Variants in CNTN4 observed in about 807,000 individuals in gnomAD.
CNTN4 encodes contactin-4.
In CNTN4, 77 loss-of-function variants were observed where a neutral mutation model predicts 122.5. The ratio of observed to expected loss-of-function variants is 0.63; its 90% CI spans 0.52 to 0.76. The LOEUF (loss-of-function observed/expected upper bound fraction) is 0.76, where lower values mean the gene tolerates loss of function less well. Ranked by LOEUF, CNTN4 falls within the 30% of genes least tolerant of loss-of-function variation. The pLI is 0.00. For synonymous variants in CNTN4, 512 were observed against 447.0 expected (o/e 1.15, Z -1.83); for missense variants, 1,256 against 1,259.1 (o/e 1.00, Z 0.04).
At chr3:3,046,605 C>T (rs1436084666) in intron 23 of CNTN4, among the ~76,000 whole-genome samples, 4 of 152,156 alleles carry the variant, frequency 2.6e-5, no homozygotes, top group South Asian at 4.2e-4. Context: ...ACCAGGCCTG[C>T]CCTAAAAGTG....
chr3:2,687,709 ATCAT>A (rs1015776172), intron 4 of CNTN4, among the ~76,000 whole-genome samples: 21 of 152,306 alleles, frequency 1.4e-4, no homozygotes, highest in African/African-American at 5.1e-4. Flanking sequence ...TCTCCTGCTG[ATCAT>A]TCAGTCAATT....
chr3:2,155,646 A>G (rs1370814217), intron 2 of CNTN4, among the ~76,000 whole-genome samples: 1 of 152,198 alleles, frequency 6.6e-6, no homozygotes, highest in Non-Finnish European at 1.5e-5. Context: ...CTTGGTGACC[A>G]TGCTATCCAA....
chr3:2,598,563 A>G (rs80332782), intron 4 of CNTN4, among the ~76,000 whole-genome samples: 1 of 152,288 alleles, frequency 6.6e-6, no homozygotes, highest in East Asian at 1.9e-4. Flanking sequence ...TATTTTTAAT[A>G]TGGTACTTGA....
At chr3:2,120,366 T>A (rs1396879385) in intron 2 of CNTN4, among the ~76,000 whole-genome samples, 1 of 48,758 alleles carries the variant, frequency 2.1e-5, no homozygotes, top group Non-Finnish European at 4.6e-5. Flanking sequence ...TATATATATA[T>A]ATATATAAAT....
At chr3:3,024,384 TAAAAAAAAAAA>T (rs55892513) in intron 14 of CNTN4, among the ~76,000 whole-genome samples, 2 of 90,262 alleles carry the variant, frequency 2.2e-5, no homozygotes, top group Admixed American at 1.3e-4. Flanking sequence ...TTTTCCTCAT[TAAAAAAAAAAA>T]AAAAAAAAAA....
At chr3:2,604,752 A>ACATCGTG (rs2081189164) in intron 4 of CNTN4, among the ~76,000 whole-genome samples, 3 of 152,138 alleles carry the variant, frequency 2.0e-5, no homozygotes, top group African/African-American at 7.2e-5. Flanking sequence ...AGAGATAAGA[A>ACATCGTG]TACACCCATG....
intron 2 of CNTN4, among the ~76,000 whole-genome samples, chr3:2,111,954 A>G (rs2032991531): frequency 1.3e-5 from 2 of 152,256 alleles, no homozygotes; most frequent in South Asian, 4.1e-4. Context: ...AAAGTGATTT[A>G]TGTTTGCTCA....
chr3:2,315,585 T>G (rs1054474267), intron 2 of CNTN4, among the ~76,000 whole-genome samples: 1 of 151,992 alleles, frequency 6.6e-6, no homozygotes, highest in African/African-American at 2.4e-5. Flanking sequence ...TAATCAGAAG[T>G]AAAAAGGTTA....
chr3:2,129,044 T>C (rs1574896499), intron 2 of CNTN4, among the ~76,000 whole-genome samples: 1 of 152,174 alleles, frequency 6.6e-6, no homozygotes, highest in Non-Finnish European at 1.5e-5. Flanking sequence ...GTAAAATATT[T>C]GGGAAATGCT....
At chr3:2,263,456 C>A (rs1466187903) in intron 2 of CNTN4, among the ~76,000 whole-genome samples, 1 of 152,022 alleles carries the variant, frequency 6.6e-6, no homozygotes, top group Non-Finnish European at 1.5e-5. Flanking sequence ...TATACCGATT[C>A]ATTAAAGTAT....
At chr3:2,781,810 C>T (rs1464648291) in intron 6 of CNTN4, among the ~76,000 whole-genome samples, 8 of 138,480 alleles carry the variant, frequency 5.8e-5, no homozygotes, top group South Asian at 2.2e-4. Flanking sequence ...CTGCAACCTC[C>T]GCCTCCCGGG....
At chr3:2,436,080 C>T (rs566940155) in intron 3 of CNTN4, among the ~76,000 whole-genome samples, 3 of 152,096 alleles carry the variant, frequency 2.0e-5, no homozygotes, top group Admixed American at 6.6e-5. Flanking sequence ...AATTGAATTG[C>T]TTTGAGAGAG....
At chr3:2,565,802 C>T (rs954600730) in intron 3 of CNTN4, among the ~76,000 whole-genome samples, 3 of 152,146 alleles carry the variant, frequency 2.0e-5, no homozygotes, top group Non-Finnish European at 2.9e-5. Flanking sequence ...CCCGCTTCCT[C>T]GCCATTGTGA....
intron 2 of CNTN4, among the ~76,000 whole-genome samples, chr3:2,300,906 A>C (rs2042492019): frequency 6.6e-6 from 1 of 152,178 alleles, no homozygotes; most frequent in East Asian, 1.9e-4. Flanking sequence ...TTAATCAGAG[A>C]AACCTGGAAA....
intron 2 of CNTN4, among the ~76,000 whole-genome samples, chr3:2,317,069 C>G (rs1295226513): frequency 6.6e-6 from 1 of 152,178 alleles, no homozygotes; most frequent in Non-Finnish European, 1.5e-5. Flanking sequence ...AGCTCTCAGA[C>G]CTCTCTTAAA....
intron 3 of CNTN4, among the ~76,000 whole-genome samples, chr3:2,553,762 T>C (rs1305565988): frequency 6.6e-6 from 1 of 152,186 alleles, no homozygotes; most frequent in Non-Finnish European, 1.5e-5. Context: ...TCTGCTGATA[T>C]ATCATGAAAA....
intron 2 of CNTN4, among the ~76,000 whole-genome samples, chr3:2,297,440 C>T (rs75610297): frequency 0.092 from 13,966 of 152,128 alleles, 737 homozygotes; most frequent in Non-Finnish European, 0.12. Context: ...TATGTTGTTG[C>T]TTTTGAAAAC....
chr3:2,655,470 T>G (rs1307914386), intron 4 of CNTN4, among the ~76,000 whole-genome samples: 1 of 152,188 alleles, frequency 6.6e-6, no homozygotes, highest in Non-Finnish European at 1.5e-5. Flanking sequence ...TTAAGGGTCT[T>G]GATTTCGGTT....
intron 2 of CNTN4, among the ~76,000 whole-genome samples, chr3:2,291,245 C>T (rs977275995): frequency 2.6e-5 from 4 of 152,090 alleles, no homozygotes; most frequent in South Asian, 2.1e-4. Context: ...AGGCTGTGTT[C>T]GTCCCCAGTG....
Sources: allele counts gnomAD v4.1 joint callset (sites outside exome capture counted in the v4.1 genomes callset), GRCh38; gene constraint gnomAD v4.1.1; transcripts MANE v1.5; gene names NCBI Gene and HGNC (gene_info 2026-07-23, HGNC 2026-07-21).